SPON1: variants seen among roughly 807,000 people sequenced by gnomAD.
SPON1 encodes spondin 1, also known as spondin-1.
SPON1 carries 52 observed loss-of-function variants against 111.7 expected under a neutral mutation model. The ratio of observed to expected loss-of-function variants is 0.47; its 90% CI spans 0.37 to 0.59. The LOEUF is 0.59. SPON1 is among the 20% of genes least tolerant of loss of function. The probability of loss-of-function intolerance (pLI) is 0.00; values close to 1 mark genes in which losing one functional copy is unlikely to be tolerated. For synonymous variants in SPON1, 410 were observed against 395.8 expected (o/e 1.04, Z -0.43); for missense variants, 957 against 1,068.5 (o/e 0.90, Z 1.46).
chr11:14,010,125 C>T (rs1848392722), intron 2 of SPON1, among the ~76,000 whole-genome samples: 1 of 152,096 alleles, frequency 6.6e-6, no homozygotes, highest in Admixed American at 6.5e-5. Context: ...AGATCAGTTG[C>T]AGGAGGAGAA....
At chr11:14,058,627 G>C (rs542862651) in intron 3 of SPON1, among the ~76,000 whole-genome samples, 2 of 152,300 alleles carry the variant, frequency 1.3e-5, no homozygotes, top group African/African-American at 4.8e-5. Flanking sequence ...CCATGGTAAG[G>C]AGTGGGTGCT....
intron 5 of SPON1, among the ~76,000 whole-genome samples, chr11:14,119,838 C>A (rs771426794): frequency 7.9e-5 from 12 of 152,110 alleles, no homozygotes; most frequent in Admixed American, 5.2e-4. Flanking sequence ...CAAACGTACA[C>A]CAAATTCTAG....
At chr11:14,099,273 A>C (rs1849125554) in intron 5 of SPON1, among the ~76,000 whole-genome samples, 1 of 152,216 alleles carries the variant, frequency 6.6e-6, no homozygotes, top group African/African-American at 2.4e-5. Flanking sequence ...TGTTAGCTTT[A>C]TCTAATAAGC....
chr11:14,030,277 TC>T (rs1848548682), intron 2 of SPON1, among the ~76,000 whole-genome samples: 1 of 152,224 alleles, frequency 6.6e-6, no homozygotes. Flanking sequence ...CGCCTACGCA[TC>T]TTGGCCCAGC....
chr11:14,181,995 G>A (rs1404140081), intron 6 of SPON1, among the ~76,000 whole-genome samples: 1 of 152,148 alleles, frequency 6.6e-6, no homozygotes, highest in Non-Finnish European at 1.5e-5. Context: ...TTGTCAAGGG[G>A]TACCTGGGAA....
At chr11:13,966,253 C>T (rs1336884791) in intron 1 of SPON1, among the ~76,000 whole-genome samples, 1 of 152,146 alleles carries the variant, frequency 6.6e-6, no homozygotes, top group South Asian at 2.1e-4. Context: ...CTCTGAAAGG[C>T]CTGCTCTGTT....
At chr11:14,241,074 T>TAC (rs1848920627) in intron 6 of SPON1, among the ~76,000 whole-genome samples, 3 of 65,490 alleles carry the variant, frequency 4.6e-5, no homozygotes, top group African/African-American at 1.5e-4. Flanking sequence ...ATATAATGCC[T>TAC]GCACACACAC....
At chr11:14,058,601 T>C (rs1260526001) in intron 3 of SPON1, among the ~76,000 whole-genome samples, 1 of 152,076 alleles carries the variant, frequency 6.6e-6, no homozygotes, top group Non-Finnish European at 1.5e-5. Flanking sequence ...GGACTGTGAT[T>C]GGGGCGAAGG....
intron 6 of SPON1, among the ~76,000 whole-genome samples, chr11:14,216,630 G>T (rs2133904426): frequency 1.3e-5 from 2 of 152,142 alleles, no homozygotes; most frequent in Admixed American, 1.3e-4. Context: ...GCAGAAGGCA[G>T]AAGTGATTGA....
intron 5 of SPON1, among the ~76,000 whole-genome samples, chr11:14,092,254 T>C (rs1402997766): frequency 1.3e-5 from 2 of 152,228 alleles, no homozygotes; most frequent in African/African-American, 4.8e-5. Flanking sequence ...ACTTGATCCA[T>C]GCTCAGTGCC....
At chr11:14,152,959 T>C (rs956815400) in intron 6 of SPON1, among the ~76,000 whole-genome samples, 1 of 152,118 alleles carries the variant, frequency 6.6e-6, no homozygotes, top group East Asian at 1.9e-4. Context: ...AGTAAATATA[T>C]ATCAAGTACA....
chr11:14,227,498 C>A (rs1375098554), intron 6 of SPON1, among the ~76,000 whole-genome samples: 2 of 152,134 alleles, frequency 1.3e-5, no homozygotes, highest in Non-Finnish European at 2.9e-5. Flanking sequence ...AATAACTCAC[C>A]CAAAACCCCT....
chr11:14,158,427 G>T (rs1321733596), intron 6 of SPON1, among the ~76,000 whole-genome samples: 1 of 152,142 alleles, frequency 6.6e-6, no homozygotes, highest in African/African-American at 2.4e-5. Context: ...ATTAGCAACT[G>T]CCTCAGAAGA....
intron 5 of SPON1, among the ~76,000 whole-genome samples, chr11:14,083,376 G>A (rs1359218775): frequency 6.6e-6 from 1 of 152,130 alleles, no homozygotes; most frequent in African/African-American, 2.4e-5. Context: ...AATTGGAAAA[G>A]GGAAGAGTAT....
intron 6 of SPON1, among the ~76,000 whole-genome samples, chr11:14,209,634 G>T (rs1008441253): frequency 9.2e-5 from 14 of 152,186 alleles, no homozygotes; most frequent in African/African-American, 3.4e-4. Flanking sequence ...GTGTATATGT[G>T]CCACATTTTC....
At chr11:14,093,548 G>A (rs1353409846) in intron 5 of SPON1, among the ~76,000 whole-genome samples, 2 of 152,080 alleles carry the variant, frequency 1.3e-5, no homozygotes, top group African/African-American at 4.8e-5. Context: ...AGCCAATCAC[G>A]TTTTCCGTTT....
chr11:14,159,349 A>G (rs1029201253), intron 6 of SPON1, among the ~76,000 whole-genome samples: 4 of 152,132 alleles, frequency 2.6e-5, no homozygotes, highest in African/African-American at 9.7e-5. Context: ...CACCCCAGTT[A>G]AAATGGCTTA....
chr11:14,162,718 A>T (rs936842153), intron 6 of SPON1, among the ~76,000 whole-genome samples: 5 of 152,220 alleles, frequency 3.3e-5, no homozygotes, highest in South Asian at 2.1e-4. Flanking sequence ...TTACCAAATT[A>T]TGTAAGCACA....
chr11:14,239,219 C>T (rs1239581768), intron 6 of SPON1, among the ~76,000 whole-genome samples: 2 of 152,158 alleles, frequency 1.3e-5, no homozygotes, highest in East Asian at 1.9e-4. Context: ...TGTACTCAGG[C>T]AGCGCAAGTC....
Sources: gnomAD v4.1 joint callset for allele counts (sites outside exome capture counted in the v4.1 genomes callset) on GRCh38, gnomAD v4.1.1 for gene constraint, MANE v1.5 for transcripts, NCBI Gene and HGNC (gene_info 2026-07-23, HGNC 2026-07-21) for gene names.